The following ATRNL1 variants were observed in gnomAD, a reference collection of about 807,000 sequenced individuals.
ATRNL1 encodes the protein attractin-like protein 1.
ATRNL1 carries 95 observed loss-of-function variants against 182.7 expected under a neutral mutation model. The ratio of observed to expected loss-of-function variants is 0.52; its 90% CI spans 0.44 to 0.62. The LOEUF is 0.62. ATRNL1 is among the 20% of genes least tolerant of loss of function. ATRNL1 has a pLI of 0.00. For synonymous variants in ATRNL1, 576 were observed against 568.3 expected, an observed-to-expected ratio of 1.01 and a Z score of -0.19; for missense variants, 1,471 against 1,679.5, an observed-to-expected ratio of 0.88 and a Z score of 2.17.
intron 26 of ATRNL1, among the ~76,000 whole-genome samples, chr10:115,606,229 A>G (rs1856864837): frequency 6.6e-6 from 1 of 152,044 alleles, no homozygotes; most frequent in Admixed American, 6.6e-5. Flanking sequence ...GCAATTGTAC[A>G]CATTAGGCTC....
chr10:115,656,735 C>T (rs753943374), intron 26 of ATRNL1, among the ~76,000 whole-genome samples: 2 of 152,060 alleles, frequency 1.3e-5, no homozygotes, highest in Non-Finnish European at 2.9e-5. Flanking sequence ...TCACTGACCC[C>T]CAAGTTGTGA....
intron 10 of ATRNL1, among the ~76,000 whole-genome samples, chr10:115,243,790 G>A (rs1564846142): frequency 6.6e-6 from 1 of 151,718 alleles, no homozygotes; most frequent in African/African-American, 2.4e-5. Context: ...TTTTAACAAA[G>A]GTTTTTTTTT....
intron 13 of ATRNL1, among the ~76,000 whole-genome samples, chr10:115,273,041 G>T (rs1851941473): frequency 6.6e-6 from 1 of 152,172 alleles, no homozygotes; most frequent in Non-Finnish European, 1.5e-5. Context: ...TTCCCTGATT[G>T]AAGCTGTATC....
intron 8 of ATRNL1, among the ~76,000 whole-genome samples, chr10:115,190,065 C>T (rs1848109765): frequency 6.6e-6 from 1 of 152,116 alleles, no homozygotes; most frequent in Admixed American, 6.6e-5. Context: ...GGCTGTGTCA[C>T]ACAGCCTAGG....
chr10:115,265,962 A>G (rs1554910547), intron 11 of ATRNL1, among the ~76,000 whole-genome samples: 1 of 151,816 alleles, frequency 6.6e-6, no homozygotes. Context: ...ATTCTCCACT[A>G]TTGCCACAAA....
chr10:115,301,710 C>G (rs1158964544), intron 16 of ATRNL1, 145 bp from the exon 17 acceptor site: 7 of 565,948 alleles, frequency 1.2e-5, no homozygotes, highest in Non-Finnish European at 2.0e-5. Flanking sequence ...GATATATCAT[C>G]TTTGTTTTTA....
chr10:115,213,728 TA>T (rs1564825276), intron 8 of ATRNL1, among the ~76,000 whole-genome samples: 2 of 152,108 alleles, frequency 1.3e-5, no homozygotes, highest in Non-Finnish European at 2.9e-5. Flanking sequence ...TCCTAATTTG[TA>T]AAGAAGAGAT....
intron 21 of ATRNL1, among the ~76,000 whole-genome samples, chr10:115,446,608 G>C (rs1554966746): frequency 1.3e-5 from 2 of 151,856 alleles, no homozygotes; most frequent in African/African-American, 4.8e-5. Context: ...ACCATTGCAA[G>C]TCAAAATAAT....
At chr10:115,594,088 C>G (rs1555013159) in intron 26 of ATRNL1, among the ~76,000 whole-genome samples, 1 of 151,880 alleles carries the variant, frequency 6.6e-6, no homozygotes, top group East Asian at 1.9e-4. Context: ...TTTATTGATT[C>G]AGAAGAAATA....
chr10:115,873,373 G>C (rs1252109437), intron 28 of ATRNL1, among the ~76,000 whole-genome samples: 2 of 152,152 alleles, frequency 1.3e-5, no homozygotes, highest in Non-Finnish European at 2.9e-5. Flanking sequence ...AATTTTAGTA[G>C]GATTGAAAAA....
chr10:115,378,577 C>T (rs1348979319), intron 19 of ATRNL1, among the ~76,000 whole-genome samples: 2 of 152,146 alleles, frequency 1.3e-5, no homozygotes, highest in African/African-American at 2.4e-5. Context: ...AGGAGTTAGT[C>T]TCCCAGCAGT....
At chr10:115,127,146 G>A (rs559069849) in intron 3 of ATRNL1, among the ~76,000 whole-genome samples, 178 of 152,272 alleles carry the variant, frequency 1.2e-3, no homozygotes, top group Non-Finnish European at 1.7e-3. Flanking sequence ...GAATGTAATT[G>A]TAATTGCTTA....
intron 1 of ATRNL1, among the ~76,000 whole-genome samples, chr10:115,102,980 G>T (rs568608391): frequency 6.7e-6 from 1 of 148,588 alleles, no homozygotes; most frequent in South Asian, 2.1e-4. Context: ...GGTTTTCATT[G>T]ATTTTTTACA....
chr10:115,430,326 A>G (rs1846097013), intron 21 of ATRNL1, among the ~76,000 whole-genome samples: 1 of 151,774 alleles, frequency 6.6e-6, no homozygotes, highest in Admixed American at 6.6e-5. Flanking sequence ...CTTGTTTTTT[A>G]GTTCATCAAT....
intron 24 of ATRNL1, among the ~76,000 whole-genome samples, chr10:115,498,022 G>A (rs1250786477): frequency 1.3e-5 from 2 of 152,126 alleles, no homozygotes; most frequent in African/African-American, 4.8e-5. Context: ...TCATTAGAAA[G>A]AGTCTTCTCA....
chr10:115,155,929 G>T (rs782716999), intron 5 of ATRNL1, among the ~76,000 whole-genome samples: 22 of 151,994 alleles, frequency 1.4e-4, no homozygotes, highest in Non-Finnish European at 1.8e-4. Flanking sequence ...TCAGTGGTTG[G>T]GGTATCGTGG....
intron 19 of ATRNL1, among the ~76,000 whole-genome samples, chr10:115,388,822 T>C (rs1843812841): frequency 6.6e-6 from 1 of 152,104 alleles, no homozygotes; most frequent in African/African-American, 2.4e-5. Context: ...TTTTTAATTT[T>C]AATTGACAAA....
At chr10:115,259,384 A>G (rs530820074) in intron 10 of ATRNL1, among the ~76,000 whole-genome samples, 2 of 152,118 alleles carry the variant, frequency 1.3e-5, no homozygotes, top group Non-Finnish European at 2.9e-5. Flanking sequence ...CTGCCGTGCT[A>G]GCAGTGAGCA....
At chr10:115,265,397 C>T (rs1851568292) in intron 11 of ATRNL1, 120 bp downstream of exon 11, 3 of 567,352 alleles carry the variant, frequency 5.3e-6, no homozygotes, top group Non-Finnish European at 9.2e-6. Context: ...TTTTATGCAT[C>T]TCTTCTCTAC....
Sources: allele counts gnomAD v4.1 joint callset (sites outside exome capture counted in the v4.1 genomes callset), GRCh38; gene constraint gnomAD v4.1.1; transcripts MANE v1.5; gene names NCBI Gene and HGNC (gene_info 2026-07-23, HGNC 2026-07-21).